Variants in UBE2D3 observed in about 807,000 individuals in gnomAD.
The protein encoded by UBE2D3 is ubiquitin conjugating enzyme E2 D3.
In UBE2D3, 2 loss-of-function variants were observed where a neutral mutation model predicts 22.8. That is an observed-to-expected ratio of 0.09 (90% CI 0.04 to 0.28). UBE2D3 has a LOEUF of 0.28. Among genes scored for constraint, UBE2D3 ranks in the 10% least tolerant of loss-of-function variants. The probability of loss-of-function intolerance (pLI) is 1.00; values close to 1 mark genes in which losing one functional copy is unlikely to be tolerated. For synonymous variants in UBE2D3, 56 were observed against 60.4 expected (o/e 0.93, Z 0.34); for missense variants, 27 against 182.5 (o/e 0.15, Z 4.91).
chr4:102,849,766 T>C (rs570577689), intron 1 of UBE2D3, among the ~76,000 whole-genome samples: 2 of 152,312 alleles, frequency 1.3e-5, no homozygotes, highest in Non-Finnish European at 1.5e-5. Flanking sequence ...ATTAAAAAGA[T>C]TGACAATACC....
chr4:102,864,388 G>C (rs757373315), intron 1 of UBE2D3, among the ~76,000 whole-genome samples: 1 of 32,174 alleles, frequency 3.1e-5, no homozygotes, highest in Non-Finnish European at 5.2e-5. Context: ...TGGGCTGACA[G>C]AGCAGAAAAA....
chr4:102,838,807 C>CAAAAAAA (rs145975514), intron 1 of UBE2D3, among the ~76,000 whole-genome samples: 1 of 54,312 alleles, frequency 1.8e-5, no homozygotes, highest in Non-Finnish European at 3.5e-5. Flanking sequence ...CTGTGCTGGG[C>CAAAAAAA]AAAAAAAAAA....
At chr4:102,815,065 TG>T (rs1219384367) in intron 2 of UBE2D3, among the ~76,000 whole-genome samples, 1 of 152,094 alleles carries the variant, frequency 6.6e-6, no homozygotes, top group Non-Finnish European at 1.5e-5. Flanking sequence ...TTTTTGGAGA[TG>T]GAGTTTCACT....
chr4:102,801,659 T>TTA (rs1242624316), intron 5 of UBE2D3, 100 bp from the exon 6 acceptor site: 1 of 988,390 alleles, frequency 1.0e-6, no homozygotes, highest in Non-Finnish European at 1.5e-6. Flanking sequence ...ATGTCATCTA[T>TTA]TAGCATAGAA....
chr4:102,845,994 T>C (rs151333463), intron 1 of UBE2D3, among the ~76,000 whole-genome samples: 2,485 of 152,274 alleles, frequency 0.016, 63 homozygotes, highest in African/African-American at 0.054. Flanking sequence ...TTTCACCCTG[T>C]TGGCCAGGCT....
At chr4:102,802,670 T>G (rs1487993800) in intron 4 of UBE2D3, 32 bp from the exon 5 acceptor site, 2 of 1,507,630 alleles carry the variant, frequency 1.3e-6, no homozygotes, top group East Asian at 4.6e-5. Context: ...TAACTCAAAT[T>G]TAAAATATTA....
At chr4:102,867,343 C>A (rs1733192132) in intron 1 of UBE2D3, among the ~76,000 whole-genome samples, 1 of 152,162 alleles carries the variant, frequency 6.6e-6, no homozygotes. Context: ...CTGGCTGTTA[C>A]ACTGTCATAC....
At chr4:102,816,034 G>GC (rs1469753319) in intron 2 of UBE2D3, among the ~76,000 whole-genome samples, 1 of 152,138 alleles carries the variant, frequency 6.6e-6, no homozygotes, top group East Asian at 1.9e-4. Context: ...CACAGAATGA[G>GC]CAAGACAGTA....
chr4:102,851,400 C>T (rs1024048033), intron 1 of UBE2D3, among the ~76,000 whole-genome samples: 1 of 152,218 alleles, frequency 6.6e-6, no homozygotes, highest in African/African-American at 2.4e-5. Context: ...TAAAGGCAGC[C>T]ACAGGAGTGA....
chr4:102,832,703 T>C (rs1000259315), intron 1 of UBE2D3, among the ~76,000 whole-genome samples: 3 of 152,188 alleles, frequency 2.0e-5, no homozygotes, highest in East Asian at 3.8e-4. Flanking sequence ...CAGTTACCTT[T>C]ATTAGAATGT....
intron 1 of UBE2D3, among the ~76,000 whole-genome samples, chr4:102,842,412 G>C (rs1301967738): frequency 6.6e-6 from 1 of 151,988 alleles, no homozygotes; most frequent in African/African-American, 2.4e-5. Context: ...AACAAACGCT[G>C]GGCATGGTGG....
intron 2 of UBE2D3, among the ~76,000 whole-genome samples, chr4:102,824,228 A>G (rs1730082952): frequency 6.6e-6 from 1 of 152,262 alleles, no homozygotes; most frequent in African/African-American, 2.4e-5. Flanking sequence ...AATCTTCAAA[A>G]TATTTACAAA....
At chr4:102,803,012 G>GT (rs1726448265) in intron 4 of UBE2D3, among the ~76,000 whole-genome samples, 1 of 152,196 alleles carries the variant, frequency 6.6e-6, no homozygotes, top group African/African-American at 2.4e-5. Flanking sequence ...ATAGCCAGAT[G>GT]TGTACAAATG....
At chr4:102,825,969 T>A (rs1356154690) in intron 2 of UBE2D3, 1 of 312,548 alleles carries the variant, frequency 3.2e-6, no homozygotes, top group Non-Finnish European at 6.4e-6. Context: ...ACTCACTGAC[T>A]GACCTTCAAT....
rs1474610439 is a variant in UBE2D3, at chr4:102,818,094, G to GAACA, written c.25-8243_25-8240dup. Among the ~76,000 whole-genome samples the GAACA allele has an allele frequency of 2.6e-5, 4 of 152,270 alleles. No homozygotes were observed. The East Asian group carries it at 7.7e-4, about 29-fold the overall frequency. ...GTGCTGACTACCCCTCACCTAAGGG[G>GAACA]AACAGCATTACTCAACTATTAAGGC... On this transcript the variant is annotated intron_variant, in intron 2 of 7. Coordinates refer to ENST00000453744, the MANE Select transcript of UBE2D3 (RefSeq NM_181891.3).
At position 102,826,510 on chromosome 4, in the gene UBE2D3, G is replaced by A; in HGVS notation, c.-2C>T. 1.9e-6 allele frequency: 3 copies of A among 1,613,474 alleles called. No homozygotes were observed. Among genetic ancestry groups the A allele is most frequent in the Non-Finnish European group, 1.7e-6 (2 of 1,179,978 alleles). ...CTTATTAATCCGTTTCAGCGCCATAGTGTGTGCTTGTCGTCTGGCTCCTCA... is the reference window on the plus strand; with the variant it reads ...CTTATTAATCCGTTTCAGCGCCATAATGTGTGCTTGTCGTCTGGCTCCTCA... On this transcript the variant is annotated 5_prime_UTR_variant, in exon 2 of 8. Coordinates refer to ENST00000453744, the MANE Select transcript of UBE2D3 (RefSeq NM_181891.3).
intron 7 of UBE2D3, chr4:102,799,028 T>G (rs1725701384): frequency 1.3e-6 from 2 of 1,524,756 alleles, no homozygotes; most frequent in Non-Finnish European, 1.8e-6. Context: ...AAAGTTATAA[T>G]GGTTAAGTTG....
intron 2 of UBE2D3, among the ~76,000 whole-genome samples, chr4:102,820,090 CAAG>C (rs940705332): frequency 1.3e-5 from 2 of 152,144 alleles, no homozygotes; most frequent in African/African-American, 4.8e-5. Flanking sequence ...GAATCATCCT[CAAG>C]AAGACTTTAC....
chr4:102,841,456 A>G (rs1296968022), intron 1 of UBE2D3, among the ~76,000 whole-genome samples: 1 of 152,054 alleles, frequency 6.6e-6, no homozygotes, highest in South Asian at 2.1e-4. Flanking sequence ...AAGTGAATAT[A>G]TTTTTCCAGT....
Sources: allele counts gnomAD v4.1 joint callset (sites outside exome capture counted in the v4.1 genomes callset), GRCh38; gene constraint gnomAD v4.1.1; transcripts MANE v1.5; gene names NCBI Gene and HGNC (gene_info 2026-07-23, HGNC 2026-07-21).